The following CAPN2 variants were observed in gnomAD, a reference collection of about 807,000 sequenced individuals.
CAPN2 encodes calpain 2.
CAPN2 carries 92 observed loss-of-function variants against 102.3 expected under a neutral mutation model. The ratio of observed to expected loss-of-function variants is 0.90; its 90% CI spans 0.76 to 1.07. The LOEUF (loss-of-function observed/expected upper bound fraction) is 1.07, where lower values mean the gene tolerates loss of function less well. CAPN2 is among the 50% of genes least tolerant of loss of function. The pLI is 0.00. For synonymous variants in CAPN2, 340 were observed against 355.4 expected (o/e 0.96, Z 0.49); for missense variants, 800 against 909.4 (o/e 0.88, Z 1.55).
chr1:223,722,214 A>T (rs1477324602), intron 2 of CAPN2, among the ~76,000 whole-genome samples: 1 of 151,916 alleles, frequency 6.6e-6, no homozygotes, highest in African/African-American at 2.4e-5. Flanking sequence ...CCTCAATTTT[A>T]AAAATTGAAT....
intron 3 of CAPN2, 100 bp from the exon 4 acceptor site, chr1:223,745,206 A>G: frequency 6.6e-7 from 1 of 1,513,212 alleles, no homozygotes; most frequent in Non-Finnish European, 9.0e-7. Context: ...CATGGAACCT[A>G]TCCCAGGGGA....
At chr1:223,769,792 C>T (rs778189466) in intron 16 of CAPN2, 49 bp from the exon 17 acceptor site, 1 of 1,395,206 alleles carries the variant, frequency 7.2e-7, no homozygotes, top group East Asian at 2.4e-5. Flanking sequence ...CTAGGTGACA[C>T]TATGTGCAAA....
At chr1:223,771,484 C>T (rs766627525) in intron 18 of CAPN2, 7 of 246,870 alleles carry the variant, frequency 2.8e-5, no homozygotes, top group East Asian at 1.0e-4. Flanking sequence ...ATCTTCAAGA[C>T]GATTGAGAGC....
Position 223,759,376 on chromosome 1 carries a change from TCAAGC to T in CAPN2, c.1425_1429del (p.Lys476AlafsTer27). Reference sequence around the variant, plus strand: ...AACCTCCGGGAGGTGCTCAACCGCTTCAAGCTGCCGCCAGGAGAGTACATTCTCGT... The same window carrying T: ...AACCTCCGGGAGGTGCTCAACCGCTTTGCCGCCAGGAGAGTACATTCTCGT... On this transcript the variant is annotated frameshift_variant, in exon 12 of 21. Coordinates refer to ENST00000295006, the MANE Select transcript of CAPN2 (RefSeq NM_001748.5). LOFTEE classifies it high-confidence loss of function. The surrounding 1 kb of genome is among the most constrained non-coding windows in gnomAD (Gnocchi z 4.6). 6.2e-7 allele frequency: 1 copy of T among 1,614,208 alleles called. No homozygotes were observed. Among genetic ancestry groups the T allele is most frequent in the Non-Finnish European group, 8.5e-7 (1 of 1,180,038 alleles).
chr1:223,742,073 A>C (rs1311610765), intron 2 of CAPN2, among the ~76,000 whole-genome samples: 1 of 152,190 alleles, frequency 6.6e-6, no homozygotes, highest in Admixed American at 6.5e-5. Flanking sequence ...CAGGATGCTA[A>C]GTCATCGACT....
upstream of CAPN2, among the ~76,000 whole-genome samples, chr1:223,708,692 A>G (rs1356925882): frequency 6.6e-6 from 1 of 151,146 alleles, no homozygotes; most frequent in Non-Finnish European, 1.5e-5. Context: ...AATCACTTGC[A>G]CCCGGGAGGC....
chr1:223,731,733 A>C lies in CAPN2; in HGVS notation c.308-12367A>C, dbSNP rs1375207011. ...GACTTACGCGAGGACAGAGGTGTGCAGAGGCACGGCAAGCTGGGCCCCAGG... is the reference window on the plus strand; with the variant it reads ...GACTTACGCGAGGACAGAGGTGTGCCGAGGCACGGCAAGCTGGGCCCCAGG... On this transcript the variant is annotated intron_variant, in intron 2 of 20. Coordinates refer to ENST00000295006, the MANE Select transcript of CAPN2 (RefSeq NM_001748.5). This position sits in a 1 kb window ranked among gnomAD's most constrained non-coding sequence, Gnocchi z 4.2. Among the ~76,000 whole-genome samples, 1 of 152,240 alleles carries C rather than the reference A, an allele frequency of 6.6e-6. No individual in the cohort carries two copies. The highest frequency in any genetic ancestry group is 1.9e-4 in the East Asian group (1 of 5,182).
At chr1:223,728,090 T>C (rs1571788956) in intron 2 of CAPN2, among the ~76,000 whole-genome samples, 1 of 151,664 alleles carries the variant, frequency 6.6e-6, no homozygotes, top group South Asian at 2.1e-4. Flanking sequence ...CAGTTCAGAC[T>C]CCCAAGCACA....
Position 223,759,086 on chromosome 1 carries a change from T to C in CAPN2, c.1318-184T>C, listed in dbSNP as rs1571813428. 1.6e-6 allele frequency: 1 copy of C among 625,766 alleles called. No homozygotes were observed. The highest frequency in any genetic ancestry group is 2.9e-6 in the Non-Finnish European group (1 of 347,870). 38.8% of individuals were successfully genotyped at this position (625,766 alleles called of 1,614,324 possible). ...TGTTTTGTTGTTGTTGTCGTCGTTA[T>C]ATAGATGAGGGCTTCCTGTGTTGCC... is the stretch of plus-strand genomic sequence containing the variant. On this transcript the variant is annotated intron_variant, in intron 11 of 20. Coordinates refer to ENST00000295006, the MANE Select transcript of CAPN2 (RefSeq NM_001748.5). The surrounding 1 kb of genome is among the most constrained non-coding windows in gnomAD (Gnocchi z 4.6).
At chr1:223,723,002 G>A (rs1467221729) in intron 2 of CAPN2, among the ~76,000 whole-genome samples, 1 of 152,144 alleles carries the variant, frequency 6.6e-6, no homozygotes, top group East Asian at 1.9e-4. Flanking sequence ...CAGAGATTTT[G>A]TAAGATGCCT....
intron 1 of CAPN2, among the ~76,000 whole-genome samples, chr1:223,716,806 A>G (rs147845688): frequency 1.7e-4 from 26 of 152,184 alleles, no homozygotes; most frequent in Middle Eastern, 3.4e-3. Flanking sequence ...GAAAGGGCTA[A>G]GAAGTGTTCA....
chr1:223,770,426 C>T (rs372144852), intron 17 of CAPN2, 21 bp from the exon 18 acceptor site: 2 of 1,588,432 alleles, frequency 1.3e-6, no homozygotes, highest in South Asian at 2.2e-5. Context: ...ATAGTTCTTA[C>T]AGCTAACTTA....
rs760107460 is a variant in CAPN2, at chr1:223,755,431, C to T, written c.1136-49C>T. On this transcript the variant is annotated intron_variant, in intron 9 of 20. Transcript: ENST00000295006. This position sits in a 1 kb window ranked among gnomAD's most constrained non-coding sequence, Gnocchi z 4.1. ...TGAGACCAGGGCCACCCCCCACCCCCATGCATTCCTGCTCAGGGCTGGGCT... is the reference window on the plus strand; with the variant it reads ...TGAGACCAGGGCCACCCCCCACCCCTATGCATTCCTGCTCAGGGCTGGGCT... The T allele has an allele frequency of 1.9e-6, 3 of 1,598,588 alleles. No homozygotes were observed. Among genetic ancestry groups the T allele is most frequent in the Non-Finnish European group, 2.6e-6 (3 of 1,168,638 alleles).
upstream of CAPN2, among the ~76,000 whole-genome samples, chr1:223,711,528 C>T (rs968164076): frequency 6.6e-6 from 1 of 152,228 alleles, no homozygotes; most frequent in African/African-American, 2.4e-5. Context: ...TTGGGCCCTA[C>T]ATATACTTTA....
chr1:223,762,629 A>G (rs1390203707), intron 14 of CAPN2, among the ~76,000 whole-genome samples: 2 of 152,206 alleles, frequency 1.3e-5, no homozygotes, highest in African/African-American at 2.4e-5. Flanking sequence ...TCAAGAATGC[A>G]GGCCACCTGC....
chr1:223,742,516 ATATTTTTTTT>A (rs1370744455), intron 2 of CAPN2, among the ~76,000 whole-genome samples: 4 of 113,890 alleles, frequency 3.5e-5, no homozygotes, highest in South Asian at 2.6e-4. Context: ...ATATATATAT[ATATTTTTTTT>A]TTTTTTTTTG....
upstream of CAPN2, among the ~76,000 whole-genome samples, chr1:223,711,277 GAGA>G (rs1262053127): frequency 2.0e-5 from 3 of 152,136 alleles, no homozygotes; most frequent in Admixed American, 6.5e-5. Flanking sequence ...TACTACTGTA[GAGA>G]AGAAGAGGAG....
At position 223,774,716 on chromosome 1, in the gene CAPN2, T is replaced by C. The variant is rs372443485; in HGVS notation, c.2080-118T>C. 1.9e-4 allele frequency: 157 copies of C among 838,926 alleles called. 1 individual carries two copies. Among genetic ancestry groups the C allele is most frequent in the Middle Eastern group, 2.2e-4 (1 of 4,460 alleles). The allele number at this position is 838,926 out of a possible 1,614,324, so 52.0% of individuals were successfully genotyped here. On this transcript the variant is annotated intron_variant, in intron 20 of 20. Coordinates refer to ENST00000295006, the MANE Select transcript of CAPN2 (RefSeq NM_001748.5). ...AAAAATATGAGTTAGTGCACTGATA[T>C]TGTAGCCCTCAATCAGCTTTTCCAG...
At chr1:223,768,035 T>C (rs1661380640) in intron 16 of CAPN2, among the ~76,000 whole-genome samples, 1 of 149,526 alleles carries the variant, frequency 6.7e-6, no homozygotes, top group Non-Finnish European at 1.5e-5. Context: ...TTTGATGGGG[T>C]TGTTTGTTTT....
Sources: allele counts gnomAD v4.1 joint callset (sites outside exome capture counted in the v4.1 genomes callset), GRCh38; gene constraint gnomAD v4.1.1; non-coding constraint Gnocchi (gnomAD v3.1); transcripts MANE v1.5; gene names NCBI Gene and HGNC (gene_info 2026-07-23, HGNC 2026-07-21).